UBASH3A: variants seen among roughly 807,000 people sequenced by gnomAD.
UBASH3A encodes the protein ubiquitin associated and SH3 domain containing A.
Under a neutral mutation model 73.5 loss-of-function variants are expected in UBASH3A, and 63 were observed. The ratio of observed to expected loss-of-function variants is 0.86; its 90% CI spans 0.70 to 1.06. The LOEUF is 1.06. UBASH3A is among the 50% of genes least tolerant of loss of function. The pLI is 0.00. For synonymous variants in UBASH3A, 363 were observed against 351.1 expected (o/e 1.03, Z -0.38); for missense variants, 860 against 859.0 (o/e 1.00, Z -0.02).
intron 6 of UBASH3A, among the ~76,000 whole-genome samples, chr21:42,418,162 G>A (rs1382321428): frequency 2.0e-5 from 3 of 152,230 alleles, no homozygotes; most frequent in Admixed American, 6.5e-5. Context: ...GATTACAGGC[G>A]TGAGCCACCG....
chr21:42,416,660 C>T (rs538509440), intron 6 of UBASH3A, 49 bp downstream of exon 6: 1 of 1,431,822 alleles, frequency 7.0e-7, no homozygotes, highest in South Asian at 1.5e-5. Flanking sequence ...ATGGGCTGGG[C>T]TCGGTGGCTC....
intron 9 of UBASH3A, among the ~76,000 whole-genome samples, chr21:42,432,968 A>G (rs1434785603): frequency 6.6e-6 from 1 of 152,200 alleles, no homozygotes; most frequent in African/African-American, 2.4e-5. Context: ...CATATAAGAA[A>G]CTTTTTTTCA....
chr21:42,418,423 A>G lies in UBASH3A; in HGVS notation c.860A>G (p.Tyr287Cys), dbSNP rs763401233. 6.2e-7 allele frequency: 1 copy of G among 1,614,178 alleles called. No homozygotes were observed. The highest frequency in any genetic ancestry group is 8.5e-7 in the Non-Finnish European group (1 of 1,180,012). ...HYQTLRALFQ[Y>C]KPQNVDELTL... ...TAGACCCTGAGAGCCCTATTCCAGT[A>G]CAAACCCCAGAACGTGGATGAGCTG... Residue 287 changes from tyrosine to cysteine, a missense_variant, in exon 7 of 15, where the codon TAC becomes TGC. Coordinates refer to ENST00000319294, the MANE Select transcript of UBASH3A (RefSeq NM_018961.4).
chr21:42,404,647 ACT>A (rs1347820690), intron 1 of UBASH3A, among the ~76,000 whole-genome samples: 1 of 151,898 alleles, frequency 6.6e-6, no homozygotes, highest in Non-Finnish European at 1.5e-5. Flanking sequence ...AGATATTCAA[ACT>A]CTAACGTGAA....
intron 6 of UBASH3A, 22 bp downstream of exon 6, chr21:42,416,633 T>C: frequency 6.6e-7 from 1 of 1,516,446 alleles, no homozygotes; most frequent in East Asian, 2.6e-5. Context: ...GAGCAGGGGC[T>C]CATAAGAAGC....
Position 42,423,541 on chromosome 21 carries a change from T to C in UBASH3A, c.1047-3156T>C, listed in dbSNP as rs377419924. On this transcript the variant is annotated intron_variant, in intron 7 of 14. Coordinates refer to ENST00000319294, the MANE Select transcript of UBASH3A (RefSeq NM_018961.4). ...AATTTCAGGAGGGTTGGGGCTCCCC[T>C]GTGGCCCCGCATCATTTAGCATGTC... Among the ~76,000 whole-genome samples the C allele has an allele frequency of 2.0e-5, 3 of 152,328 alleles. 1 individual carries two copies. Among genetic ancestry groups the C allele is most frequent in the East Asian group, 1.9e-4 (1 of 5,184 alleles).
At chr21:42,435,612 AG>A (rs1454216237) in intron 10 of UBASH3A, 2 of 152,250 alleles carry the variant, frequency 1.3e-5, no homozygotes, top group Admixed American at 1.3e-4. Flanking sequence ...GGAGTTATAG[AG>A]TTAGTTATAG....
At chr21:42,410,063 A>C in intron 3 of UBASH3A, 1 of 702,120 alleles carries the variant, frequency 1.4e-6, no homozygotes, top group Non-Finnish European at 2.6e-6. Flanking sequence ...AAGTCAACTC[A>C]AGGATGGGTG....
rs4371438 is a variant in UBASH3A at position 42,447,077 on chromosome 21, C to T, written c.1869C>T (p.Cys623=). The change falls in exon 15 of 15, where the codon TGC becomes TGT. Residue 623 remains cysteine (C), a synonymous_variant. Transcript: ENST00000319294. ...LVRKIPSLGM[C]FCEENKEEGK... ...TCCAGATCCCTTCCCTGGGCATGTGCTTCTGTGAAGAAAATAAAGAGGAAG... is the reference window on the plus strand; with the variant it reads ...TCCAGATCCCTTCCCTGGGCATGTGTTTCTGTGAAGAAAATAAAGAGGAAG... 6.2e-7 allele frequency: 1 copy of T among 1,613,982 alleles called. No individual in the cohort carries two copies. The highest frequency in any genetic ancestry group is 8.5e-7 in the Non-Finnish European group (1 of 1,179,936).
intron 5 of UBASH3A, among the ~76,000 whole-genome samples, chr21:42,415,735 A>G (rs541288602): frequency 6.6e-6 from 1 of 152,362 alleles, no homozygotes; most frequent in African/African-American, 2.4e-5. Flanking sequence ...GTCACCCTGC[A>G]AAAGGGGGCA....
intron 6 of UBASH3A, among the ~76,000 whole-genome samples, chr21:42,417,192 G>T (rs1291108136): frequency 2.6e-5 from 4 of 152,234 alleles, no homozygotes; most frequent in African/African-American, 7.2e-5. Flanking sequence ...GGAGGCTGAG[G>T]CAGGTGGATC....
At position 42,442,485 on chromosome 21, in the gene UBASH3A, T is replaced by C; in HGVS notation, c.1520T>C (p.Val507Ala). Residue 507 changes from valine (V) to alanine (A), a missense_variant, in exon 12 of 15, where the codon GTG becomes GCG. Transcript: ENST00000319294. ...CTGGAGAAAAAAATCAAGATACGAG[T>C]GGAACCTGGAATCTTTGAATGGACA... ...LKLEKKIKIR[V>A]EPGIFEWTKW... 1 of 1,613,792 alleles carries C rather than the reference T, an allele frequency of 6.2e-7. No homozygotes were observed. The highest frequency in any genetic ancestry group is 1.1e-5 in the South Asian group (1 of 91,044).
At chr21:42,420,220 G>A (rs1470905167) in intron 7 of UBASH3A, among the ~76,000 whole-genome samples, 2 of 152,038 alleles carry the variant, frequency 1.3e-5, no homozygotes, top group African/African-American at 4.8e-5. Context: ...TCGAGTCCCC[G>A]ATATAAAATG....
At chr21:42,418,045 A>G (rs113753755) in intron 6 of UBASH3A, among the ~76,000 whole-genome samples, 2,612 of 151,802 alleles carry the variant, frequency 0.017, 79 homozygotes, top group African/African-American at 0.059. Flanking sequence ...CACCATGTCC[A>G]GCTAATTTTT....
chr21:42,442,685 A>T, intron 12 of UBASH3A, 89 bp downstream of exon 12: 1 of 1,429,830 alleles, frequency 7.0e-7, no homozygotes, highest in Non-Finnish European at 9.5e-7. Context: ...GGTAAGAAAG[A>T]CTTTATTCAA....
Position 42,443,325 on chromosome 21 carries a change from C to G in UBASH3A, c.1645C>G (p.Leu549Val). 6.2e-7 allele frequency: 1 copy of G among 1,613,134 alleles called. No homozygotes were observed. Among genetic ancestry groups the G allele is most frequent in the South Asian group, 1.1e-5 (1 of 90,880 alleles). ...IDTDYRPAFPLSALMPAESYQ... is the reference protein window; with the variant it reads ...IDTDYRPAFPVSALMPAESYQ... ...TCATCCTTCCAGGCCCGCGTTTCCCCTGTCCGCCCTCATGCCGGCCGAGAG... is the reference window on the plus strand; with the variant it reads ...TCATCCTTCCAGGCCCGCGTTTCCCGTGTCCGCCCTCATGCCGGCCGAGAG... Residue 549 changes from leucine to valine, a missense_variant, in exon 13 of 15, where the codon CTG becomes GTG. Coordinates refer to ENST00000319294, the MANE Select transcript of UBASH3A (RefSeq NM_018961.4).
At chr21:42,440,971 C>A (rs1352296418) in intron 11 of UBASH3A, among the ~76,000 whole-genome samples, 2 of 152,150 alleles carry the variant, frequency 1.3e-5, no homozygotes, top group African/African-American at 4.8e-5. Context: ...GGGTCACTTG[C>A]ATATAAAAAG....
At chr21:42,443,067 C>T in intron 12 of UBASH3A, 2 of 1,245,514 alleles carry the variant, frequency 1.6e-6, no homozygotes, top group Non-Finnish European at 2.1e-6. Context: ...TTGTCATTCT[C>T]CACCCATGTC....
intron 8 of UBASH3A, among the ~76,000 whole-genome samples, chr21:42,428,328 C>G (rs1164201809): frequency 6.6e-6 from 1 of 152,142 alleles, no homozygotes; most frequent in Non-Finnish European, 1.5e-5. Flanking sequence ...GTCTTTGCAG[C>G]CTTGGTGGCT....
Sources: allele counts gnomAD v4.1 joint callset (sites outside exome capture counted in the v4.1 genomes callset), GRCh38; gene constraint gnomAD v4.1.1; transcripts MANE v1.5; gene names NCBI Gene and HGNC (gene_info 2026-07-23, HGNC 2026-07-21).